Variants in ELF1 observed in about 807,000 individuals in gnomAD.
The protein encoded by ELF1 is E74 like ETS transcription factor 1, also known as ETS-related transcription factor Elf-1.
In ELF1, 24 loss-of-function variants were observed where a neutral mutation model predicts 59.9. The ratio of observed to expected loss-of-function variants is 0.40; its 90% CI spans 0.29 to 0.56. The LOEUF (loss-of-function observed/expected upper bound fraction) is 0.56, where lower values mean the gene tolerates loss of function less well. Among genes scored for constraint, ELF1 ranks in the 20% least tolerant of loss-of-function variants. The probability of loss-of-function intolerance (pLI) is 0.44; values close to 1 mark genes in which losing one functional copy is unlikely to be tolerated. For missense variants in ELF1, 627 were observed against 742.2 expected (o/e 0.84, Z 1.80); for synonymous variants, 248 against 266.2 (o/e 0.93, Z 0.67).
At chr13:41,059,492 A>C (rs560038090) in intron 1 of ELF1, among the ~76,000 whole-genome samples, 3 of 152,340 alleles carry the variant, frequency 2.0e-5, no homozygotes, top group African/African-American at 7.2e-5. Context: ...CACATTAACA[A>C]ATTTACTGTG....
At position 40,954,543 on chromosome 13, in the gene ELF1, CCCTGCCTGATTCT is replaced by C. The variant is rs1871085317; in HGVS notation, c.254-3120_254-3108del. ...CTGCCATCTCGGCTCACTGCAACCT[CCCTGCCTGATTCT>C]CCTGCCTCAGCCTGCCGAGTGCCTG... On this transcript the variant is annotated intron_variant, in intron 3 of 8. Transcript: ENST00000239882. 2.6e-5 allele frequency among the ~76,000 whole-genome samples: 4 copies of C among 151,718 alleles called. No homozygotes were observed. The South Asian group carries it at 8.3e-4, about 32-fold the overall frequency.
At chr13:41,053,303 G>A (rs1877165502) in intron 1 of ELF1, among the ~76,000 whole-genome samples, 3 of 151,632 alleles carry the variant, frequency 2.0e-5, no homozygotes, top group Admixed American at 6.6e-5. Flanking sequence ...GTAGTGAGCC[G>A]AGATCATGCT....
chr13:41,061,314 G>A (rs539550923), exon 1 of ELF1: 3 of 391,100 alleles, frequency 7.7e-6, no homozygotes, highest in Non-Finnish European at 1.4e-5. Context: ...GGAGGACACA[G>A]AGACGGCGGG....
intron 3 of ELF1, among the ~76,000 whole-genome samples, chr13:40,952,040 T>A (rs752068235): frequency 2.6e-5 from 4 of 152,250 alleles, no homozygotes; most frequent in Non-Finnish European, 5.9e-5. Context: ...TGCAATTGAC[T>A]GATACATTTC....
At chr13:40,962,363 A>G (rs1263895533) in intron 2 of ELF1, among the ~76,000 whole-genome samples, 1 of 152,154 alleles carries the variant, frequency 6.6e-6, no homozygotes, top group Non-Finnish European at 1.5e-5. Context: ...TAAGAATGAA[A>G]AGTAGTTTTG....
intron 1 of ELF1, among the ~76,000 whole-genome samples, chr13:41,004,838 A>C (rs902251851): frequency 2.6e-5 from 4 of 152,200 alleles, no homozygotes; most frequent in African/African-American, 9.6e-5. Context: ...TAGGTGCTGT[A>C]GCAAACATCT....
intron 1 of ELF1, among the ~76,000 whole-genome samples, chr13:41,055,575 T>C (rs1469752998): frequency 6.6e-6 from 1 of 152,112 alleles, no homozygotes; most frequent in African/African-American, 2.4e-5. Context: ...TGTATCATAA[T>C]TATCTGTATA....
At chr13:41,002,304 T>C (rs1874496826) in intron 1 of ELF1, among the ~76,000 whole-genome samples, 1 of 152,092 alleles carries the variant, frequency 6.6e-6, no homozygotes, top group Admixed American at 6.5e-5. Flanking sequence ...AAATAATTCT[T>C]CCTATATTGT....
intron 1 of ELF1, among the ~76,000 whole-genome samples, chr13:40,989,418 G>A (rs879877668): frequency 2.0e-5 from 3 of 152,136 alleles, no homozygotes; most frequent in African/African-American, 7.2e-5. Flanking sequence ...AATATTCAAC[G>A]AATTTAAGAA....
At chr13:40,955,953 G>A (rs1217518210) in intron 3 of ELF1, among the ~76,000 whole-genome samples, 24 of 109,728 alleles carry the variant, frequency 2.2e-4, no homozygotes, top group African/African-American at 6.1e-4. Flanking sequence ...GGAGGCGGGG[G>A]GGTCAGCCCC....
intron 1 of ELF1, among the ~76,000 whole-genome samples, chr13:41,027,120 G>C (rs563231105): frequency 1.3e-5 from 2 of 152,344 alleles, no homozygotes; most frequent in South Asian, 4.1e-4. Context: ...GAAATGGCCA[G>C]ATGTGTGATT....
At chr13:41,022,696 C>G (rs891101207), upstream of ELF1, among the ~76,000 whole-genome samples, 7 of 152,168 alleles carry the variant, frequency 4.6e-5, no homozygotes, top group African/African-American at 1.4e-4. Flanking sequence ...GGCTGGCCAA[C>G]ATGGTGAAAC....
At chr13:40,940,386 GAAAAA>G (rs375400990) in intron 8 of ELF1, among the ~76,000 whole-genome samples, 1 of 109,898 alleles carries the variant, frequency 9.1e-6, no homozygotes, top group African/African-American at 4.9e-5. Context: ...TGATTTAACT[GAAAAA>G]AAAAAAAAAA....
chr13:40,987,964 G>A (rs1873647858), intron 1 of ELF1, among the ~76,000 whole-genome samples: 1 of 152,148 alleles, frequency 6.6e-6, no homozygotes, highest in Non-Finnish European at 1.5e-5. Flanking sequence ...AAAGAAAACA[G>A]AGTAAGAAAG....
At chr13:41,060,920 C>CGCCGCCTCTGCGCTACTGAAGCTGCTGCT (rs1877562432) in exon 1 of ELF1, 2 of 45,234 alleles carry the variant, frequency 4.4e-5, no homozygotes, top group Non-Finnish European at 1.8e-4. Context: ...CTGCTGCCGC[C>CGCCGCCTCTGCGCTACTGAAGCTGCTGCT]GCCGCCGCCG....
At chr13:41,035,703 C>T (rs1436700709) in intron 1 of ELF1, among the ~76,000 whole-genome samples, 1 of 127,698 alleles carries the variant, frequency 7.8e-6, no homozygotes, top group Non-Finnish European at 1.6e-5. Context: ...GAAAGAGATA[C>T]AGAGATGAGG....
intron 1 of ELF1, among the ~76,000 whole-genome samples, chr13:41,015,825 G>A (rs913133714): frequency 3.9e-5 from 6 of 152,082 alleles, no homozygotes; most frequent in East Asian, 3.9e-4. Context: ...AATTTGTCAC[G>A]TAAGATGGCA....
chr13:41,048,235 A>G (rs2138430449), intron 1 of ELF1, among the ~76,000 whole-genome samples: 1 of 152,302 alleles, frequency 6.6e-6, no homozygotes, highest in East Asian at 1.9e-4. Context: ...AGGTGAGGCG[A>G]TGCCTCGCCC....
chr13:41,013,751 A>G (rs1875206287), intron 1 of ELF1, among the ~76,000 whole-genome samples: 2 of 152,066 alleles, frequency 1.3e-5, no homozygotes, highest in African/African-American at 4.8e-5. Context: ...ATTTTCCTAC[A>G]TGCACATTTC....
Sources: allele counts gnomAD v4.1 joint callset (sites outside exome capture counted in the v4.1 genomes callset), GRCh38; gene constraint gnomAD v4.1.1; transcripts MANE v1.5; gene names NCBI Gene and HGNC (gene_info 2026-07-23, HGNC 2026-07-21).